Variants in LTBP4 observed in about 807,000 individuals in gnomAD.
The protein encoded by LTBP4 is latent-transforming growth factor beta-binding protein 4.
Under a neutral mutation model 180.2 loss-of-function variants are expected in LTBP4, and 93 were observed. The ratio of observed to expected loss-of-function variants is 0.52; its 90% CI spans 0.44 to 0.61. The LOEUF is 0.61. Ranked by LOEUF, LTBP4 falls within the 20% of genes least tolerant of loss-of-function variation. The pLI is 0.00. For synonymous variants in LTBP4, 947 were observed against 934.5 expected (o/e 1.01, Z -0.24); for missense variants, 2,116 against 2,256.5 (o/e 0.94, Z 1.26).
In LTBP4 at chr19:40,629,517, G is replaced by A. The variant is rs1458167576; in HGVS notation, c.4641G>A (p.Pro1547=). Residue 1547 remains proline, a synonymous_variant, in exon 30 of 30, where the codon CCG becomes CCA. Coordinates refer to ENST00000396819, the MANE Select transcript of LTBP4 (RefSeq NM_001042545.2). This position sits in a 1 kb window ranked among gnomAD's most constrained non-coding sequence, Gnocchi z 4.5. ...CGGGATTCGCACCCACGCACCAGCC[G>A]CACCACTGTGCGCCCGCACGGCCCC... ...CRPGFAPTHQ[P]HHCAPARPRA The A allele has an allele frequency of 1.9e-6, 3 of 1,586,620 alleles. No individual in the cohort carries two copies. The highest frequency in any genetic ancestry group is 2.6e-6 in the Non-Finnish European group (3 of 1,163,958).
upstream of LTBP4, among the ~76,000 whole-genome samples, chr19:40,597,064 C>G (rs1015982227): frequency 9.2e-5 from 14 of 151,924 alleles, no homozygotes; most frequent in East Asian, 2.7e-3. Flanking sequence ...GCGCGGCGAG[C>G]GCTGGCGGCG....
Position 40,616,022 on chromosome 19 carries a change from G to A in LTBP4, c.2813-867G>A, listed in dbSNP as rs28707605. Among the ~76,000 whole-genome samples, 519 of 152,310 alleles carry A rather than the reference G, an allele frequency of 3.4e-3. 2 individuals carry two copies. The highest frequency in any genetic ancestry group is 0.012 in the African/African-American group (499 of 41,558). On this transcript the variant is annotated intron_variant, in intron 19 of 29. Transcript: ENST00000396819. ...TGACCTAGACACCAGACAGAAGCGA[G>A]GGAGGCAGCCATGCAGAGAGCTGAG...
chr19:40,593,183 TGAGTGC>T, intron 1 of LTBP4: 1 of 1,613,866 alleles, frequency 6.2e-7, no homozygotes, highest in South Asian at 1.1e-5. Flanking sequence ...ACGTAAAAGG[TGAGTGC>T]CTCTGAAACC....
rs1734727668 is a variant in LTBP4 at position 40,625,299 on chromosome 19, TATATATATATA to T, written c.3833-557_3833-547del. On this transcript the variant is annotated intron_variant, in intron 26 of 29. Coordinates refer to ENST00000396819, the MANE Select transcript of LTBP4 (RefSeq NM_001042545.2). ...ATATATATATATATATATATATATA[TATATATATATA>T]TATATATTTTTTTTTTTAAAGATGG... is the stretch of plus-strand genomic sequence containing the variant. 1.3e-3 allele frequency among the ~76,000 whole-genome samples: 28 copies of T among 22,382 alleles called. 7 individuals are homozygous for T. The highest frequency in any genetic ancestry group is 1.6e-3 in the Non-Finnish European group (23 of 14,754). 14.7% of individuals were successfully genotyped at this position (22,382 alleles called of 152,430 possible). A position where few individuals can be genotyped will look rare whatever the true frequency, so the allele number is the denominator to read the frequency against.
At chr19:40,593,208 C>T (rs2081375257) in intron 1 of LTBP4, 3 of 1,613,404 alleles carry the variant, frequency 1.9e-6, no homozygotes, top group Non-Finnish European at 2.5e-6. Flanking sequence ...CCGGGGTGTT[C>T]TGAAATAGCT....
chr19:40,629,000 C>T (rs905514642), intron 29 of LTBP4, among the ~76,000 whole-genome samples: 1 of 152,076 alleles, frequency 6.6e-6, no homozygotes, highest in African/African-American at 2.4e-5. Context: ...CAGGCGCCCG[C>T]CACCATGCCT....
chr19:40,627,967 C>A, intron 29 of LTBP4, 110 bp downstream of exon 29: 2 of 1,395,892 alleles, frequency 1.4e-6, no homozygotes, highest in Non-Finnish European at 1.9e-6. Context: ...GACCTCACTA[C>A]AGGGGACGGG....
In LTBP4 at chr19:40,613,068, T is replaced by G; in HGVS notation, c.2303T>G (p.Val768Gly). The G allele has an allele frequency of 6.2e-7, 1 of 1,611,882 alleles. No homozygotes were observed. The highest frequency in any genetic ancestry group is 8.5e-7 in the Non-Finnish European group (1 of 1,179,024). The change falls in exon 16 of 30, where the codon GTG becomes GGG. Residue 768 changes from valine (V) to glycine (G), a missense_variant. Physicochemically the swap from Val to Gly is moderately radical, Grantham distance 109. This residue lies in a region of LTBP4 where 877 missense variants were observed against 873.6 expected (regional missense o/e 1.00). Transcript: ENST00000396819. The surrounding 1 kb of genome is among the most constrained non-coding windows in gnomAD (Gnocchi z 5.0). ...TGAACACCCCCACCCCCCACAGATGTGGACGAATGCAGTTCGGGTGCCCCT... is the reference window on the plus strand; with the variant it reads ...TGAACACCCCCACCCCCCACAGATGGGGACGAATGCAGTTCGGGTGCCCCT... ...HHLHRGRCTDVDECSSGAPPC... is the reference protein window; with the variant it reads ...HHLHRGRCTDGDECSSGAPPC...
In LTBP4 at chr19:40,629,201, T is replaced by C. The variant is rs1166893320; in HGVS notation, c.4520-195T>C. ...TGCGGTATGGGCCACCATATCCATC[T>C]TACAGAACACGAAACTGAAGCACAG... On this transcript the variant is annotated intron_variant, in intron 29 of 29. Transcript: ENST00000396819. This position sits in a 1 kb window ranked among gnomAD's most constrained non-coding sequence, Gnocchi z 4.5. 3.9e-5 allele frequency among the ~76,000 whole-genome samples: 6 copies of C among 152,174 alleles called. No homozygotes were observed. The highest frequency in any genetic ancestry group is 3.9e-4 in the Admixed American group (6 of 15,274).
chr19:40,617,435 G>C (rs548969405), intron 21 of LTBP4, among the ~76,000 whole-genome samples: 16 of 152,282 alleles, frequency 1.1e-4, no homozygotes, highest in Admixed American at 2.0e-4. Flanking sequence ...CTTGAAGTCA[G>C]GAGTTTGAAA....
rs907611361 is a variant in LTBP4, at chr19:40,613,765, G to T, written c.2558-151G>T. 1.4e-5 allele frequency: 19 copies of T among 1,321,360 alleles called. No homozygotes were observed. The highest frequency in any genetic ancestry group is 8.8e-5 in the South Asian group (7 of 79,296). The allele number at this position is 1,321,360 out of a possible 1,614,324, so 81.9% of individuals were successfully genotyped here. On this transcript the variant is annotated intron_variant, in intron 17 of 29. Transcript: ENST00000396819. The surrounding 1 kb of genome is among the most constrained non-coding windows in gnomAD (Gnocchi z 5.0). ...TAAAGAAGCTGTTCTAAACCCGTCG[G>T]GGGGCGGTGTTTGCAGGGAGGGAAG...
Position 40,623,668 on chromosome 19 carries a change from C to T in LTBP4, c.3621C>T (p.Ala1207=). 6.2e-7 allele frequency: 1 copy of T among 1,613,878 alleles called. No homozygotes were observed. The highest frequency in any genetic ancestry group is 1.1e-5 in the South Asian group (1 of 91,082). Residue 1207 remains alanine (A), a synonymous_variant, in exon 25 of 30, where the codon GCC becomes GCT. Transcript: ENST00000396819. Reference sequence around the variant, plus strand: ...AGAGTGGCGTGTGTGTGAACACGGCCCCGGGCTACTCATGCTATTGCAGCA... The same window carrying T: ...AGAGTGGCGTGTGTGTGAACACGGCTCCGGGCTACTCATGCTATTGCAGCA... ...VCKSGVCVNT[A]PGYSCYCSNG...
chr19:40,606,739 C>T (rs2081465514), intron 6 of LTBP4, among the ~76,000 whole-genome samples: 1 of 152,156 alleles, frequency 6.6e-6, no homozygotes, highest in Non-Finnish European at 1.5e-5. Flanking sequence ...ATCCAGATCC[C>T]TCCAGACTCC....
At chr19:40,617,597 T>C (rs1394954514) in intron 21 of LTBP4, among the ~76,000 whole-genome samples, 1 of 150,396 alleles carries the variant, frequency 6.6e-6, no homozygotes, top group Non-Finnish European at 1.5e-5. Context: ...TGAGCCAAGA[T>C]TGTGCAATTG....
chr19:40,622,533 A>G lies in LTBP4; in HGVS notation c.3350A>G (p.Tyr1117Cys), dbSNP rs779188467. ...GTGGGGAGTGGGCGCCGGGAGTGCTACTTTGACACAGCGGCCCCGGATGCA... is the reference window on the plus strand; with the variant it reads ...GTGGGGAGTGGGCGCCGGGAGTGCTGCTTTGACACAGCGGCCCCGGATGCA... ...GPVGSGRREC[Y>C]FDTAAPDACD... The change falls in exon 23 of 30, where the codon TAC (tyrosine) becomes TGC (cysteine). Residue 1117 changes from tyrosine to cysteine, a missense_variant. Tyr to Cys is a radical substitution (Grantham distance 194). Coordinates refer to ENST00000396819, the MANE Select transcript of LTBP4 (RefSeq NM_001042545.2). The surrounding 1 kb of genome is among the most constrained non-coding windows in gnomAD (Gnocchi z 5.1). The G allele has an allele frequency of 2.5e-6, 4 of 1,613,830 alleles. No homozygotes were observed. The highest frequency in any genetic ancestry group is 3.4e-6 in the Non-Finnish European group (4 of 1,179,822).
upstream of LTBP4, chr19:40,599,667 C>T (rs1368464366): frequency 9.3e-6 from 10 of 1,074,196 alleles, no homozygotes; most frequent in Non-Finnish European, 1.4e-5. Flanking sequence ...CCTCCCTCCC[C>T]GGCTCTTTCT....
chr19:40,599,210 C>G, upstream of LTBP4: 2 of 1,610,644 alleles, frequency 1.2e-6, no homozygotes, highest in Non-Finnish European at 1.7e-6. Context: ...TGCTGTTTGT[C>G]GCTGCTGCCC....
upstream of LTBP4, among the ~76,000 whole-genome samples, chr19:40,597,697 G>GT (rs968923890): frequency 1.3e-5 from 2 of 151,930 alleles, no homozygotes; most frequent in African/African-American, 4.8e-5. Flanking sequence ...TGATAGAGAC[G>GT]TGTGGGGTCT....
intron 1 of LTBP4, among the ~76,000 whole-genome samples, chr19:40,604,675 C>T (rs527922128): frequency 1.4e-4 from 22 of 152,312 alleles, no homozygotes; most frequent in African/African-American, 5.3e-4. Flanking sequence ...GAGACCCCGC[C>T]TCTACCAAAT....
Sources: gnomAD v4.1 joint callset for allele counts (sites outside exome capture counted in the v4.1 genomes callset) on GRCh38, gnomAD v4.1.1 for gene constraint, gnomAD v4.1.1 regional missense constraint, Gnocchi (gnomAD v3.1) non-coding constraint, MANE v1.5 for transcripts, NCBI Gene and HGNC (gene_info 2026-07-23, HGNC 2026-07-21) for gene names.